DGKQ: variants seen among roughly 807,000 people sequenced by gnomAD.
The protein encoded by DGKQ is diacylglycerol kinase theta, also known as DAG kinase theta.
DGKQ carries 97 observed loss-of-function variants against 104.2 expected under a neutral mutation model. The observed-to-expected ratio is 0.93, with a 90% CI of 0.79 to 1.10. The LOEUF is 1.10. Ranked by LOEUF, DGKQ falls within the 50% of genes least tolerant of loss-of-function variation. The pLI is 0.00. For synonymous variants in DGKQ, 736 were observed against 595.2 expected, an observed-to-expected ratio of 1.24 and a Z score of -3.44; for missense variants, 1,465 against 1,352.1, an observed-to-expected ratio of 1.08 and a Z score of -1.31.
chr4:966,100 T>G (rs544113817), intron 12 of DGKQ, 22 bp from the exon 13 acceptor site: 2 of 1,582,320 alleles, frequency 1.3e-6, no homozygotes, highest in African/African-American at 1.3e-5. Context: ...GGGGCGGGGA[T>G]GCTGGGCCGG....
In DGKQ at chr4:961,476, G is replaced by C; in HGVS notation, c.2565C>G (p.Val855=). ...TCGGCCGGCGGCTCACCATGTGCAC[G>C]ACGCCCGTCACGCCCACAACCTCCA... ...GLLEVVGVTG[V]VHMGQVQGGL... is the part of the protein sequence containing the mutation. Residue 855 remains valine (V), a synonymous_variant, in exon 21 of 23, where the codon GTC becomes GTG. Coordinates refer to ENST00000273814, the MANE Select transcript of DGKQ (RefSeq NM_001347.4). 1 of 1,599,156 alleles carries C rather than the reference G, an allele frequency of 6.3e-7. No homozygotes were observed. The highest frequency in any genetic ancestry group is 1.1e-5 in the South Asian group (1 of 89,486).
In DGKQ at chr4:971,133, G is replaced by A. The variant is rs945473585; in HGVS notation, c.272-61C>T. ...CCTACCCAATGGCTGTCCTACCCAG[G>A]AAGTTAGAGGCCCCAGGGCAATGAC... On this transcript the variant is annotated intron_variant, in intron 1 of 22. Coordinates refer to ENST00000273814, the MANE Select transcript of DGKQ (RefSeq NM_001347.4). This position sits in a 1 kb window ranked among gnomAD's most constrained non-coding sequence, Gnocchi z 4.0. The A allele has an allele frequency of 9.2e-6, 12 of 1,309,738 alleles. No individual in the cohort carries two copies. Among genetic ancestry groups the A allele is most frequent in the African/African-American group, 4.4e-5 (3 of 68,418 alleles). 81.1% of individuals were successfully genotyped at this position (1,309,738 alleles called of 1,614,324 possible).
Position 967,780 on chromosome 4 carries a change from G to A in DGKQ, c.834C>T (p.Asp278=), listed in dbSNP as rs368535395. The A allele has an allele frequency of 1.9e-5, 31 of 1,604,592 alleles. No homozygotes were observed. Among genetic ancestry groups the A allele is most frequent in the South Asian group, 2.2e-5 (2 of 90,250 alleles). ...TGCCTGGACCCACGGCAGCGCTCCC[G>A]TCGGCGCCGTCGCCCCCCTCGCCTG... ...AEPGEGGDGA[D]GSAAVGPGRE... Residue 278 remains aspartate, a synonymous_variant, in exon 7 of 23, where the codon GAC becomes GAT. Transcript: ENST00000273814.
rs564147860 is a variant in DGKQ, at chr4:971,084, A to G, written c.272-12T>C. Reference sequence around the variant, plus strand: ...CATGAAATTGCAGACTGTGGGAATGAGCACTGTGTGAGTTGGCCCCTGTCC... The same window carrying G: ...CATGAAATTGCAGACTGTGGGAATGGGCACTGTGTGAGTTGGCCCCTGTCC... On this transcript the variant is annotated splice_polypyrimidine_tract_variant and intron_variant, in intron 1 of 22. Coordinates refer to ENST00000273814, the MANE Select transcript of DGKQ (RefSeq NM_001347.4). The surrounding 1 kb of genome is among the most constrained non-coding windows in gnomAD (Gnocchi z 4.0). 2.4e-4 allele frequency: 371 copies of G among 1,553,222 alleles called. 4 individuals are homozygous for G. The South Asian group carries it at 4.1e-3, about 17-fold the overall frequency.
chr4:965,077 A>G, intron 15 of DGKQ, 99 bp downstream of exon 15: 1 of 882,824 alleles, frequency 1.1e-6, no homozygotes, highest in South Asian at 1.5e-5. Flanking sequence ...CCAGATGAAA[A>G]CAGCGAGTCT....
rs933041089 is a variant in DGKQ, at chr4:959,589, C to T, written c.*1031G>A. 2.0e-5 allele frequency: 3 copies of T among 152,520 alleles called. No individual in the cohort carries two copies. The highest frequency in any genetic ancestry group is 7.2e-5 in the African/African-American group (3 of 41,450). The allele number at this position is 152,520 out of a possible 1,614,324, so 9.4% of individuals were successfully genotyped here. On this transcript the variant is annotated 3_prime_UTR_variant, in exon 23 of 23. Transcript: ENST00000273814. ...AGGAGGGCTGCAGGAGCTGGGTCTC[C>T]ACACGCTGACGAGGGATAGGACTGA...
intron 14 of DGKQ, 30 bp from the exon 15 acceptor site, chr4:965,321 G>A: frequency 6.2e-7 from 1 of 1,601,896 alleles, no homozygotes; most frequent in African/African-American, 1.3e-5. Flanking sequence ...CTCAGGGGGA[G>A]CCTGTCCCAT....
chr4:967,346 C>T lies in DGKQ; in HGVS notation c.1003G>A (p.Ala335Thr). ...AEEVLEAALR[A>T]HHIPEDPGHL... ...CCAGGGTCCTCGGGGATGTGGTGGG[C>T]CCGCAGTGCGGCCTCCTGCAGGGCA... The change falls in exon 9 of 23, where the codon GCC becomes ACC. Residue 335 changes from alanine to threonine, a missense_variant. Ala to Thr is a moderately conservative substitution (Grantham distance 58). Transcript: ENST00000273814. 5 of 1,535,834 alleles carry T rather than the reference C, an allele frequency of 3.3e-6. No individual in the cohort carries two copies. The highest frequency in any genetic ancestry group is 1.2e-5 in the South Asian group (1 of 84,058).
At position 973,507 on chromosome 4, in the gene DGKQ, CT is replaced by C; in HGVS notation, c.-26del. 1 of 986,486 alleles carries C rather than the reference CT, an allele frequency of 1.0e-6. No homozygotes were observed. The highest frequency in any genetic ancestry group is 1.2e-6 in the Non-Finnish European group (1 of 830,952). The allele number at this position is 986,486 out of a possible 1,614,324, so 61.1% of individuals were successfully genotyped here. A position where few individuals can be genotyped will look rare whatever the true frequency, so the allele number is the denominator to read the frequency against. ...TTCCCGGCCCGAGCGGCCCGAGCCC[CT>C]TTAGGTCCGCGCCGGGGGTACAGGA... On this transcript the variant is annotated 5_prime_UTR_variant, in exon 1 of 23. Coordinates refer to ENST00000273814, the MANE Select transcript of DGKQ (RefSeq NM_001347.4).
rs775990537 is a variant in DGKQ at position 973,342 on chromosome 4, C to T, written c.141G>A (p.Arg47=). 1.5e-6 allele frequency: 2 copies of T among 1,364,430 alleles called. No homozygotes were observed. Among genetic ancestry groups the T allele is most frequent in the Non-Finnish European group, 1.9e-6 (2 of 1,049,126 alleles). 84.5% of individuals were successfully genotyped at this position (1,364,430 alleles called of 1,614,324 possible). ...PGPGPGPGPE[R]AGVRAPGPAA... ...CGGGGCCCGGGGCTCTGACGCCCGCCCGCTCGGGTCCCGGCCCCGGCCCCG... is the reference window on the plus strand; with the variant it reads ...CGGGGCCCGGGGCTCTGACGCCCGCTCGCTCGGGTCCCGGCCCCGGCCCCG... The change falls in exon 1 of 23, where the codon CGG becomes CGA. Residue 47 remains arginine, a synonymous_variant. Coordinates refer to ENST00000273814, the MANE Select transcript of DGKQ (RefSeq NM_001347.4).
At position 967,890 on chromosome 4, in the gene DGKQ, G is replaced by T. The variant is rs764712203; in HGVS notation, c.801C>A (p.Ala267=). 2.1e-6 allele frequency: 3 copies of T among 1,449,552 alleles called. No individual in the cohort carries two copies. The highest frequency in any genetic ancestry group is 2.7e-6 in the Non-Finnish European group (3 of 1,109,008). 89.8% of individuals were successfully genotyped at this position (1,449,552 alleles called of 1,614,324 possible). A position where few individuals can be genotyped will look rare whatever the true frequency, so the allele number is the denominator to read the frequency against. ...CGGCCCGCACCTCACCCGGCTCCGC[G>T]GCCTCCACGATGCGGAAGCTCTGCG... is the stretch of plus-strand genomic sequence containing the variant. ...SKTQSFRIVE[A]AEPGEGGDGA... The change falls in exon 6 of 23, where the codon GCC becomes GCA. Residue 267 remains alanine, a synonymous_variant. Coordinates refer to ENST00000273814, the MANE Select transcript of DGKQ (RefSeq NM_001347.4).
At chr4:973,046 C>G (rs1367779369) in intron 1 of DGKQ, among the ~76,000 whole-genome samples, 166 bp downstream of exon 1, 1 of 152,076 alleles carries the variant, frequency 6.6e-6, no homozygotes, top group Non-Finnish European at 1.5e-5. Context: ...TGGAGCGGCC[C>G]CACGGCGCAC....
At chr4:970,166 G>A (rs1375171488) in intron 2 of DGKQ, among the ~76,000 whole-genome samples, 5 of 152,240 alleles carry the variant, frequency 3.3e-5, no homozygotes, top group African/African-American at 1.2e-4. Context: ...AGACATTAGA[G>A]GGGACGGCGC....
intron 15 of DGKQ, among the ~76,000 whole-genome samples, chr4:964,837 C>T (rs543626890): frequency 5.3e-4 from 80 of 152,250 alleles, no homozygotes; most frequent in African/African-American, 1.8e-3. Context: ...CCAGGAGCTG[C>T]GTCCTGTGGG....
rs1291375104 is a variant in DGKQ at position 961,054 on chromosome 4, G to A, written c.2722C>T (p.Pro908Ser). The A allele has an allele frequency of 1.2e-6, 2 of 1,612,222 alleles. No individual in the cohort carries two copies. The highest frequency in any genetic ancestry group is 1.7e-4 in the Middle Eastern group (1 of 6,052). Reference protein sequence around the residue: ...PGHMIISAAGPKVHMLRKAKQ... With the variant: ...PGHMIISAAGSKVHMLRKAKQ... Reference sequence around the variant, plus strand: ...TCCAGCCTCACCCCACATACCTTAGGGCCAGCAGCTGAGATGATCATGTGC... The same window carrying A: ...TCCAGCCTCACCCCACATACCTTAGAGCCAGCAGCTGAGATGATCATGTGC... Residue 908 changes from proline to serine, a missense_variant, in exon 22 of 23, where the codon CCT becomes TCT. Physicochemically the swap from Pro to Ser is moderately conservative, Grantham distance 74. Coordinates refer to ENST00000273814, the MANE Select transcript of DGKQ (RefSeq NM_001347.4).
At chr4:961,917 G>C in intron 19 of DGKQ, 65 bp downstream of exon 19, 2 of 1,608,806 alleles carry the variant, frequency 1.2e-6, no homozygotes, top group South Asian at 2.2e-5. Flanking sequence ...CCCTCTGCCT[G>C]TTCCTGCTGG....
intron 15 of DGKQ, 36 bp downstream of exon 15, chr4:965,140 G>C (rs752709975): frequency 6.3e-7 from 1 of 1,576,158 alleles, no homozygotes; most frequent in South Asian, 1.1e-5. Flanking sequence ...GCCACCCCCT[G>C]GGGTGTGTGA....
chr4:973,534 G>A lies in DGKQ; in HGVS notation c.-52C>T. 1 of 984,604 alleles carries A rather than the reference G, an allele frequency of 1.0e-6. No homozygotes were observed. Among genetic ancestry groups the A allele is most frequent in the Non-Finnish European group, 1.2e-6 (1 of 829,536 alleles). 61.0% of individuals were successfully genotyped at this position (984,604 alleles called of 1,614,324 possible). On this transcript the variant is annotated 5_prime_UTR_variant, in exon 1 of 23. Coordinates refer to ENST00000273814, the MANE Select transcript of DGKQ (RefSeq NM_001347.4). Reference sequence around the variant, plus strand: ...TTAGGTCCGCGCCGGGGGTACAGGAGCCGCCGCTCCACGGCCCGGTACACT... The same window carrying A: ...TTAGGTCCGCGCCGGGGGTACAGGAACCGCCGCTCCACGGCCCGGTACACT...
In DGKQ at chr4:973,547, G is replaced by GCCC. The variant is rs1560523914; in HGVS notation, c.-66_-65insGGG. 12 of 973,926 alleles carry GCCC rather than the reference G, an allele frequency of 1.2e-5. No individual in the cohort carries two copies. The African/African-American group carries it at 2.1e-4, about 17-fold the overall frequency. 60.3% of individuals were successfully genotyped at this position (973,926 alleles called of 1,614,324 possible). A position where few individuals can be genotyped will look rare whatever the true frequency, so the allele number is the denominator to read the frequency against. ...GGGGGTACAGGAGCCGCCGCTCCAC[G>GCCC]GCCCGGTACACTGCTTCCGACTGCG... On this transcript the variant is annotated 5_prime_UTR_variant, in exon 1 of 23. Coordinates refer to ENST00000273814, the MANE Select transcript of DGKQ (RefSeq NM_001347.4).
Sources: allele counts gnomAD v4.1 joint callset (sites outside exome capture counted in the v4.1 genomes callset), GRCh38; gene constraint gnomAD v4.1.1; non-coding constraint Gnocchi (gnomAD v3.1); transcripts MANE v1.5; gene names NCBI Gene and HGNC (gene_info 2026-07-23, HGNC 2026-07-21).